Variants in PLCB4 observed in about 807,000 individuals in gnomAD.
PLCB4 encodes phospholipase C beta 4, also known as 1-phosphatidylinositol 4,5-bisphosphate phosphodiesterase beta-4.
Under a neutral mutation model 178.8 loss-of-function variants are expected in PLCB4, and 77 were observed. That is an observed-to-expected ratio of 0.43 (90% CI 0.36 to 0.52). The LOEUF (loss-of-function observed/expected upper bound fraction) is 0.52, where lower values mean the gene tolerates loss of function less well. Among genes scored for constraint, PLCB4 ranks in the 20% least tolerant of loss-of-function variants. The pLI, the probability that PLCB4 is intolerant of heterozygous loss-of-function variation, is 0.00. For missense variants in PLCB4, 1,024 were observed against 1,453.4 expected (o/e 0.70, Z 4.80); for synonymous variants, 496 against 490.8 (o/e 1.01, Z -0.14).
chr20:9,451,753 A>G (rs566281580), intron 32 of PLCB4, among the ~76,000 whole-genome samples: 1 of 152,326 alleles, frequency 6.6e-6, no homozygotes, highest in Admixed American at 6.5e-5. Flanking sequence ...TGTTTTGAAT[A>G]AGCTGTAACA....
rs190097075 is a variant in PLCB4 at position 9,271,950 on chromosome 20, G to A, written c.-15-35850G>A. Among the ~76,000 whole-genome samples, 230 of 151,990 alleles carry A rather than the reference G, an allele frequency of 1.5e-3. 2 individuals are homozygous for A. The highest frequency in any genetic ancestry group is 5.2e-3 in the African/African-American group (214 of 41,498). On this transcript the variant is annotated intron_variant, in intron 3 of 39. Transcript: ENST00000378473. The stretch of plus-strand genomic sequence containing the variant: ...TGAGCACTTTGGAAGGCTGAGGAGG[G>A]AGGATTGTTGAGCCCAGGAGTTCAG...
intron 2 of PLCB4, among the ~76,000 whole-genome samples, chr20:9,211,404 C>T (rs1222510100): frequency 3.3e-5 from 5 of 152,226 alleles, no homozygotes; most frequent in Admixed American, 1.3e-4. Context: ...GTCAGCATCA[C>T]CTGAGAGCTT....
chr20:9,213,144 TTTTTTTTTTTTTTTA>T, intron 2 of PLCB4, among the ~76,000 whole-genome samples: 1 of 136,164 alleles, frequency 7.3e-6, no homozygotes. Flanking sequence ...TTTTTTTTTT[TTTTTTTTTTTTTTTA>T]GACAAAGTCT....
chr20:9,191,344 C>T (rs1341955533), intron 2 of PLCB4, among the ~76,000 whole-genome samples: 8 of 95,214 alleles, frequency 8.4e-5, no homozygotes, highest in East Asian at 3.2e-4. Context: ...ACTAGATAGG[C>T]ATTTTTTTTT....
In PLCB4 at chr20:9,401,490, C is replaced by A; in HGVS notation, c.1511C>A (p.Ala504Asp). The change falls in exon 20 of 40, where the codon GCT (alanine) becomes GAT (aspartate). Residue 504 changes from alanine to aspartate, a missense_variant and splice_region_variant. Ala to Asp is a moderately radical substitution (Grantham distance 126). Around this residue, in one of 7 missense-constraint regions of PLCB4, gnomAD observed 263 missense variants for 417.4 expected, o/e 0.63. Coordinates refer to ENST00000378473, the MANE Select transcript of PLCB4 (RefSeq NM_001377142.1). ...EDDNEEEIES[A>D]DQEEEAHPEF... ...GATTTTCCATTTGTCTTTCACACAGCTGACCAAGAGGAGGAAGCTCACCCC... is the reference window on the plus strand; with the variant it reads ...GATTTTCCATTTGTCTTTCACACAGATGACCAAGAGGAGGAAGCTCACCCC... The A allele has an allele frequency of 6.2e-7, 1 of 1,609,994 alleles. No homozygotes were observed. Among genetic ancestry groups the A allele is most frequent in the Non-Finnish European group, 8.5e-7 (1 of 1,176,502 alleles).
intron 3 of PLCB4, among the ~76,000 whole-genome samples, chr20:9,262,546 A>G (rs539366764): frequency 6.6e-6 from 1 of 152,244 alleles, no homozygotes; most frequent in South Asian, 2.1e-4. Context: ...CTTGAGGTAA[A>G]CAGAGTTTTA....
chr20:9,333,753 G>A (rs2032039593), intron 4 of PLCB4, among the ~76,000 whole-genome samples: 1 of 152,102 alleles, frequency 6.6e-6, no homozygotes, highest in African/African-American at 2.4e-5. Context: ...TGGAGAGGGA[G>A]TAAAGTGGGT....
intron 3 of PLCB4, among the ~76,000 whole-genome samples, chr20:9,261,923 T>G (rs1216073799): frequency 6.6e-6 from 1 of 152,218 alleles, no homozygotes; most frequent in Non-Finnish European, 1.5e-5. Flanking sequence ...ATTCTGTCCT[T>G]GTCTCAAGGA....
intron 3 of PLCB4, among the ~76,000 whole-genome samples, chr20:9,289,744 G>A (rs1005935307): frequency 1.3e-5 from 2 of 151,920 alleles, no homozygotes; most frequent in Admixed American, 6.6e-5. Flanking sequence ...GAGGGTGTTC[G>A]GTCAAAAGGT....
intron 2 of PLCB4, among the ~76,000 whole-genome samples, chr20:9,203,056 A>AAATATATATATATATATATAT (rs769628056): frequency 7.9e-6 from 1 of 126,162 alleles, no homozygotes; most frequent in African/African-American, 3.3e-5. Context: ...AAAAAAAAAA[A>AAATATATATATATATATATAT]ATATATATAT....
intron 2 of PLCB4, among the ~76,000 whole-genome samples, chr20:9,103,193 T>A (rs2146643632): frequency 6.6e-6 from 1 of 152,208 alleles, no homozygotes; most frequent in Middle Eastern, 3.4e-3. Context: ...ATGGAGTGCT[T>A]CTCAAACTTT....
At chr20:9,379,784 C>A (rs1019012748) in intron 12 of PLCB4, among the ~76,000 whole-genome samples, 2 of 152,132 alleles carry the variant, frequency 1.3e-5, no homozygotes, top group African/African-American at 4.8e-5. Context: ...GACATGCACA[C>A]TTTATTATGT....
chr20:9,447,701 A>T (rs1336197381), intron 32 of PLCB4, among the ~76,000 whole-genome samples: 1 of 152,236 alleles, frequency 6.6e-6, no homozygotes. Context: ...TTAATACTTA[A>T]AAAAACACAG....
chr20:9,364,902 G>A (rs2035642414), intron 8 of PLCB4, among the ~76,000 whole-genome samples: 1 of 152,304 alleles, frequency 6.6e-6, no homozygotes, highest in Middle Eastern at 3.4e-3. Flanking sequence ...CTTACCACTG[G>A]AAATTAAGGA....
At chr20:9,074,165 C>T (rs1429291399) in intron 1 of PLCB4, among the ~76,000 whole-genome samples, 2 of 152,138 alleles carry the variant, frequency 1.3e-5, no homozygotes, top group Non-Finnish European at 2.9e-5. Context: ...TGACCCTGGG[C>T]ATTCACTCTG....
intron 2 of PLCB4, among the ~76,000 whole-genome samples, chr20:9,101,189 T>G (rs1259804639): frequency 6.6e-6 from 1 of 152,140 alleles, no homozygotes; most frequent in Non-Finnish European, 1.5e-5. Flanking sequence ...TCCATTTGTA[T>G]GTAGGTGAGC....
chr20:9,090,029 A>T (rs1227823046), intron 1 of PLCB4, among the ~76,000 whole-genome samples: 2 of 152,194 alleles, frequency 1.3e-5, no homozygotes, highest in African/African-American at 4.8e-5. Flanking sequence ...AGATTTTCAA[A>T]GAAGTTGTAC....
intron 2 of PLCB4, among the ~76,000 whole-genome samples, chr20:9,155,218 T>A (rs1175108693): frequency 1.3e-5 from 2 of 151,358 alleles, no homozygotes; most frequent in African/African-American, 4.8e-5. Flanking sequence ...TTTCCACTCC[T>A]GTGTTACTTG....
At chr20:9,072,869 T>C (rs917368676) in intron 1 of PLCB4, among the ~76,000 whole-genome samples, 7 of 152,240 alleles carry the variant, frequency 4.6e-5, no homozygotes, top group African/African-American at 1.7e-4. Flanking sequence ...TACTTTTCCT[T>C]TCCTTTATCA....
Sources: allele counts gnomAD v4.1 joint callset (sites outside exome capture counted in the v4.1 genomes callset), GRCh38; gene constraint gnomAD v4.1.1; regional missense constraint gnomAD v4.1.1; transcripts MANE v1.5; gene names NCBI Gene and HGNC (gene_info 2026-07-23, HGNC 2026-07-21).